PRKCZ: variants seen among roughly 807,000 people sequenced by gnomAD.
The protein encoded by PRKCZ is protein kinase C zeta type.
A neutral mutation model predicts 79.5 loss-of-function variants in PRKCZ; 33 were observed. The ratio of observed to expected loss-of-function variants is 0.41; its 90% CI spans 0.31 to 0.55. The LOEUF (loss-of-function observed/expected upper bound fraction) is 0.55. PRKCZ is among the 20% of genes least tolerant of loss of function. PRKCZ has a pLI of 0.19. For synonymous variants in PRKCZ, 342 were observed against 320.9 expected, an observed-to-expected ratio of 1.07 and a Z score of -0.70; for missense variants, 578 against 813.5, an observed-to-expected ratio of 0.71 and a Z score of 3.52.
At position 2,094,664 on chromosome 1, in the gene PRKCZ, C is replaced by G. The variant is rs1162409699; in HGVS notation, c.334+35073C>G. Among the ~76,000 whole-genome samples, 1 of 142,376 alleles carries G rather than the reference C, an allele frequency of 7.0e-6. No homozygotes were observed. The highest frequency in any genetic ancestry group is 2.7e-5 in the African/African-American group (1 of 36,534). 93.4% of individuals were successfully genotyped at this position (142,376 alleles called of 152,430 possible). The stretch of plus-strand genomic sequence containing the variant: ...GCCCGCTGTGCCCGGCTCGTTGAAC[C>G]TTGGGCGCTGCCCGTTCTGAGGCGC... On this transcript the variant is annotated intron_variant, in intron 4 of 17. Coordinates refer to ENST00000378567, the MANE Select transcript of PRKCZ (RefSeq NM_002744.6). This position sits in a 1 kb window ranked among gnomAD's most constrained non-coding sequence, Gnocchi z 7.3.
chr1:2,069,076 C>T (rs560967993), intron 4 of PRKCZ, among the ~76,000 whole-genome samples: 56 of 152,366 alleles, frequency 3.7e-4, no homozygotes, highest in Non-Finnish European at 6.9e-4. Context: ...CCCCGCCAGC[C>T]ACATCTTGAA....
intron 16 of PRKCZ, among the ~76,000 whole-genome samples, chr1:2,181,451 A>T (rs997716563): frequency 2.6e-5 from 4 of 152,158 alleles, no homozygotes; most frequent in Admixed American, 1.3e-4. Flanking sequence ...ACCTGGGGCC[A>T]GCGTGCATTC....
intron 4 of PRKCZ, among the ~76,000 whole-genome samples, chr1:2,107,966 G>A (rs1668914259): frequency 1.3e-5 from 2 of 148,784 alleles, no homozygotes; most frequent in African/African-American, 5.1e-5. Flanking sequence ...TGTCAAGGGA[G>A]CCCCCAGACA....
rs1207535325 is a variant in PRKCZ at position 2,177,439 on chromosome 1, G to A, written c.1575+2126G>A. Among the ~76,000 whole-genome samples the A allele has an allele frequency of 6.6e-6, 1 of 152,190 alleles. No individual in the cohort carries two copies. Among genetic ancestry groups the A allele is most frequent in the East Asian group, 1.9e-4 (1 of 5,192 alleles). On this transcript the variant is annotated intron_variant, in intron 16 of 17. Coordinates refer to ENST00000378567, the MANE Select transcript of PRKCZ (RefSeq NM_002744.6). This position sits in a 1 kb window ranked among gnomAD's most constrained non-coding sequence, Gnocchi z 6.4. ...GGATCCAGGGAGAGCCCGATCCTGG[G>A]TGCAGCCTTGGTGCCAGCCGGGCCC...
chr1:2,132,729 A>G (rs1400955439), intron 4 of PRKCZ, among the ~76,000 whole-genome samples: 2 of 152,204 alleles, frequency 1.3e-5, no homozygotes, highest in African/African-American at 2.4e-5. Flanking sequence ...CACGGTGACT[A>G]AAATCTTCTG....
chr1:2,056,338 C>A (rs1660157730), intron 2 of PRKCZ, 146 bp from the exon 3 acceptor site: 2 of 701,210 alleles, frequency 2.9e-6, no homozygotes, highest in Non-Finnish European at 4.6e-6. Context: ...GTCCTTGGAC[C>A]TCCCGACCCT....
intron 4 of PRKCZ, among the ~76,000 whole-genome samples, chr1:2,115,227 C>G (rs1381703203): frequency 6.6e-6 from 1 of 152,264 alleles, no homozygotes; most frequent in Non-Finnish European, 1.5e-5. Flanking sequence ...CGTGTCCGTC[C>G]CCACTGCGGG....
chr1:2,079,118 A>G (rs1395576346), intron 4 of PRKCZ, among the ~76,000 whole-genome samples: 1 of 152,330 alleles, frequency 6.6e-6, no homozygotes, highest in East Asian at 1.9e-4. Context: ...CCGGGATTAC[A>G]GGCGTGAGCC....
chr1:2,065,248 T>C (rs1661019255), intron 4 of PRKCZ, among the ~76,000 whole-genome samples: 1 of 152,248 alleles, frequency 6.6e-6, no homozygotes, highest in South Asian at 2.1e-4. Flanking sequence ...GTGGAAACTT[T>C]AGGGCTTTCT....
At chr1:2,134,602 A>G (rs1447428943) in intron 4 of PRKCZ, among the ~76,000 whole-genome samples, 2 of 152,168 alleles carry the variant, frequency 1.3e-5, no homozygotes, top group Non-Finnish European at 2.9e-5. Flanking sequence ...TGTTATAAAG[A>G]TGATGTTTTT....
At chr1:2,150,143 CAGAGCCAGACT>C (rs1679571049) in intron 8 of PRKCZ, among the ~76,000 whole-genome samples, 1 of 130,548 alleles carries the variant, frequency 7.7e-6, no homozygotes, top group Non-Finnish European at 1.5e-5. Context: ...GCCTGGGCGA[CAGAGCCAGACT>C]CCGTCTCAAA....
At chr1:2,085,014 GAA>G (rs35913934) in intron 4 of PRKCZ, among the ~76,000 whole-genome samples, 165 of 142,658 alleles carry the variant, frequency 1.2e-3, no homozygotes, top group Non-Finnish European at 2.0e-3. Flanking sequence ...CTTAAAAAAA[GAA>G]AAAAAAAAAA....
chr1:2,103,047 T>C (rs1422088224), intron 4 of PRKCZ, among the ~76,000 whole-genome samples: 1 of 152,126 alleles, frequency 6.6e-6, no homozygotes, highest in Non-Finnish European at 1.5e-5. Context: ...TTTTTTATTT[T>C]TAGTAGAGTT....
In PRKCZ at chr1:2,173,823, C is replaced by T; in HGVS notation, c.1286-74C>T. On this transcript the variant is annotated intron_variant, in intron 13 of 17. Coordinates refer to ENST00000378567, the MANE Select transcript of PRKCZ (RefSeq NM_002744.6). This position sits in a 1 kb window ranked among gnomAD's most constrained non-coding sequence, Gnocchi z 5.7. ...CACTCGTGTCAACTGGGCATGAAAA[C>T]CAACGCCAGCCAGGTTCGTCCTGCT... 6.6e-7 allele frequency: 1 copy of T among 1,505,192 alleles called. No individual in the cohort carries two copies. The highest frequency in any genetic ancestry group is 1.3e-5 in the South Asian group (1 of 76,612). The allele number at this position is 1,505,192 out of a possible 1,614,324, so 93.2% of individuals were successfully genotyped here. A position where few individuals can be genotyped will look rare whatever the true frequency, so the allele number is the denominator to read the frequency against.
chr1:2,133,411 C>CGTCCGTTCCTCAGCTCA (rs1480116589), intron 4 of PRKCZ, among the ~76,000 whole-genome samples: 3 of 150,528 alleles, frequency 2.0e-5, no homozygotes, highest in Admixed American at 6.6e-5. Flanking sequence ...CCCAGCTGCG[C>CGTCCGTTCCTCAGCTCA]GTCCGTTCCT....
intron 7 of PRKCZ, among the ~76,000 whole-genome samples, chr1:2,147,282 C>T (rs527996701): frequency 6.6e-6 from 1 of 151,582 alleles, no homozygotes; most frequent in African/African-American, 2.4e-5. Context: ...CCACTGACCT[C>T]TCCACCCATC....
Position 2,184,891 on chromosome 1 carries a change from C to A in PRKCZ, c.1692-31C>A, listed in dbSNP as rs753148601. The A allele has an allele frequency of 6.3e-6, 10 of 1,577,210 alleles. No individual in the cohort carries two copies. The Admixed American group carries it at 1.5e-4, about 24-fold the overall frequency. The stretch of plus-strand genomic sequence containing the variant: ...CCCCAAGGGAATGAACACACGGTCA[C>A]CCCCCTCCCCCCTGCCACCTTTGCC... On this transcript the variant is annotated intron_variant, in intron 17 of 17. Transcript: ENST00000378567.
At chr1:2,136,619 G>T (rs376200422) in intron 5 of PRKCZ, among the ~76,000 whole-genome samples, 1 of 152,184 alleles carries the variant, frequency 6.6e-6, no homozygotes, top group South Asian at 2.1e-4. Context: ...TGTGCTTAGG[G>T]CAGGTGGGTG....
intron 16 of PRKCZ, among the ~76,000 whole-genome samples, chr1:2,179,868 T>A (rs1292087354): frequency 2.0e-5 from 3 of 151,430 alleles, no homozygotes; most frequent in Non-Finnish European, 4.4e-5. Context: ...CCCAGCCACG[T>A]TGTGTGCTGC....
Sources: gnomAD v4.1 joint callset for allele counts (sites outside exome capture counted in the v4.1 genomes callset) on GRCh38, gnomAD v4.1.1 for gene constraint, Gnocchi (gnomAD v3.1) non-coding constraint, MANE v1.5 for transcripts, NCBI Gene and HGNC (gene_info 2026-07-23, HGNC 2026-07-21) for gene names.